Variants in TTPAL observed in about 807,000 individuals in gnomAD.
TTPAL encodes the protein alpha tocopherol transfer protein like.
A neutral mutation model predicts 28.7 loss-of-function variants in TTPAL; 21 were observed. The ratio of observed to expected loss-of-function variants is 0.73; its 90% CI spans 0.52 to 1.06. TTPAL has a LOEUF of 1.06. Among genes scored for constraint, TTPAL ranks in the 50% least tolerant of loss-of-function variants. TTPAL has a pLI of 0.00. For missense variants in TTPAL, 345 were observed against 425.5 expected, an observed-to-expected ratio of 0.81 and a Z score of 1.67; for synonymous variants, 169 against 171.9, an observed-to-expected ratio of 0.98 and a Z score of 0.13.
chr20:44,487,492 G>A (rs1030637509), intron 4 of TTPAL, among the ~76,000 whole-genome samples: 2 of 152,202 alleles, frequency 1.3e-5, no homozygotes, highest in Non-Finnish European at 2.9e-5. Flanking sequence ...CATTAGAACT[G>A]TGGGGTTTAA....
At position 44,494,510 on chromosome 20, in the gene TTPAL, T is replaced by G. The variant is rs533356559; in HGVS notation, c.*4969T>G. 58 of 152,736 alleles carry G rather than the reference T, an allele frequency of 3.8e-4. No individual in the cohort carries two copies. Among genetic ancestry groups the G allele is most frequent in the African/African-American group, 1.3e-3 (55 of 41,446 alleles). The allele number at this position is 152,736 out of a possible 1,614,324, so 9.5% of individuals were successfully genotyped here. ...GTTTGTTTTGACCAAAGTTTATTTT[T>G]CTAGTGCATTTTCTAAGTCAAAGTG... On this transcript the variant is annotated 3_prime_UTR_variant, in exon 5 of 5. Transcript: ENST00000262605.
At position 44,484,506 on chromosome 20, in the gene TTPAL, C is replaced by CA; in HGVS notation, c.620dup (p.Val208GlyfsTer21). The CA allele has an allele frequency of 6.3e-7, 1 of 1,578,196 alleles. No individual in the cohort carries two copies. Among genetic ancestry groups the CA allele is most frequent in the Non-Finnish European group, 8.7e-7 (1 of 1,151,870 alleles). On this transcript the variant is annotated frameshift_variant, in exon 3 of 5. Coordinates refer to ENST00000262605, the MANE Select transcript of TTPAL (RefSeq NM_001039199.3). LOFTEE classifies it high-confidence loss of function. ...CATCTCACTTTGGCCCTTTTATAGCCAAAAAGGTGATTGGCATCCTCCAGG... is the reference window on the plus strand; with the variant it reads ...CATCTCACTTTGGCCCTTTTATAGCCAAAAAAGGTGATTGGCATCCTCCAGG...
Position 44,491,598 on chromosome 20 carries a change from G to GT in TTPAL, c.*2058dup, listed in dbSNP as rs2064206767. On this transcript the variant is annotated 3_prime_UTR_variant, in exon 5 of 5. Coordinates refer to ENST00000262605, the MANE Select transcript of TTPAL (RefSeq NM_001039199.3). ...GAGAAAGTTCTTTTCACCATGGATA[G>GT]TAACCCTGGATCCTCTACGGTACTG... 6.6e-6 allele frequency: 1 copy of GT among 152,326 alleles called. No individual in the cohort carries two copies. Among genetic ancestry groups the GT allele is most frequent in the South Asian group, 2.1e-4 (1 of 4,832 alleles). The allele number at this position is 152,326 out of a possible 1,614,324, so 9.4% of individuals were successfully genotyped here.
chr20:44,490,988 A>T lies in TTPAL; in HGVS notation c.*1447A>T, dbSNP rs1220599271. ...CTACTCGGGAGGCTGAGGCAGAAGA[A>T]TCACGTGAACCCAGGAGGCAGAAGT... On this transcript the variant is annotated 3_prime_UTR_variant, in exon 5 of 5. Coordinates refer to ENST00000262605, the MANE Select transcript of TTPAL (RefSeq NM_001039199.3). 1 of 150,856 alleles carries T rather than the reference A, an allele frequency of 6.6e-6. No homozygotes were observed. The highest frequency in any genetic ancestry group is 2.4e-5 in the African/African-American group (1 of 40,914). 9.3% of individuals were successfully genotyped at this position (150,856 alleles called of 1,614,324 possible).
In TTPAL at chr20:44,489,766, T is replaced by C. The variant is rs545454088; in HGVS notation, c.*225T>C. On this transcript the variant is annotated 3_prime_UTR_variant, in exon 5 of 5. Coordinates refer to ENST00000262605, the MANE Select transcript of TTPAL (RefSeq NM_001039199.3). ...ATGTCCCCACTGATTCTTAAACATT[T>C]GGAATCCCAGTCTGCAACTATTAAT... 4.8e-5 allele frequency: 26 copies of C among 538,836 alleles called. 1 individual carries two copies. Among genetic ancestry groups the C allele is most frequent in the African/African-American group, 3.8e-4 (20 of 53,136 alleles). The allele number at this position is 538,836 out of a possible 1,614,324, so 33.4% of individuals were successfully genotyped here.
At position 44,491,842 on chromosome 20, in the gene TTPAL, G is replaced by A. The variant is rs1234081296; in HGVS notation, c.*2301G>A. ...AAACAAAACAAAAACTGGGTAAAGAGGAATGAATCACTCAGCCCTGATGTT... is the reference window on the plus strand; with the variant it reads ...AAACAAAACAAAAACTGGGTAAAGAAGAATGAATCACTCAGCCCTGATGTT... On this transcript the variant is annotated 3_prime_UTR_variant, in exon 5 of 5. Transcript: ENST00000262605. 1.3e-5 allele frequency: 2 copies of A among 152,542 alleles called. No individual in the cohort carries two copies. The highest frequency in any genetic ancestry group is 3.8e-4 in the East Asian group (2 of 5,318). 9.4% of individuals were successfully genotyped at this position (152,542 alleles called of 1,614,324 possible). A position where few individuals can be genotyped will look rare whatever the true frequency, so the allele number is the denominator to read the frequency against.
Position 44,480,979 on chromosome 20 carries a change from A to T in TTPAL, c.445+535A>T, listed in dbSNP as rs762720723. 6.6e-6 allele frequency among the ~76,000 whole-genome samples: 1 copy of T among 152,148 alleles called. No individual in the cohort carries two copies. Among genetic ancestry groups the T allele is most frequent in the Non-Finnish European group, 1.5e-5 (1 of 68,020 alleles). ...CCCCTGGCCATAGGATACAAGCATG[A>T]CTGCCAGGGCCCTCTCTGAGCCCTC... On this transcript the variant is annotated intron_variant, in intron 2 of 4. Transcript: ENST00000262605. This position sits in a 1 kb window ranked among gnomAD's most constrained non-coding sequence, Gnocchi z 4.1.
rs527795732 is a variant in TTPAL at position 44,490,566 on chromosome 20, C to T, written c.*1025C>T. On this transcript the variant is annotated 3_prime_UTR_variant, in exon 5 of 5. Coordinates refer to ENST00000262605, the MANE Select transcript of TTPAL (RefSeq NM_001039199.3). ...GTGTCTTTCCAAGAGAGATGTGTCA[C>T]CAATTAGCCCTGCCTTTAAAGAAAC... is the stretch of plus-strand genomic sequence containing the variant. 2.0e-5 allele frequency: 3 copies of T among 152,434 alleles called. No homozygotes were observed. In the East Asian group the frequency reaches 5.6e-4, roughly 29 times the overall value. 9.4% of individuals were successfully genotyped at this position (152,434 alleles called of 1,614,324 possible).
rs914621358 is a variant in TTPAL at position 44,486,670 on chromosome 20, C to T, written c.714C>T (p.Ile238=). ...EPRIFKGIFA[I]IKPFLKEKIA... is the part of the protein sequence containing the mutation. ...GAATATTTAAAGGCATTTTTGCCAT[C>T]ATAAAACCATTTCTAAAGGAGAAAA... The change falls in exon 4 of 5, where the codon ATC becomes ATT. Residue 238 remains isoleucine, a synonymous_variant. Coordinates refer to ENST00000262605, the MANE Select transcript of TTPAL (RefSeq NM_001039199.3). 2.5e-6 allele frequency: 4 copies of T among 1,612,248 alleles called. No homozygotes were observed. The highest frequency in any genetic ancestry group is 3.4e-6 in the Non-Finnish European group (4 of 1,178,740).
In TTPAL at chr20:44,489,738, A is replaced by AGTAATT; in HGVS notation, c.*197_*198insGTAATT. ...TTTAATTACTCCATGGAAGACATGG[A>AGTAATT]AAATGTCCCCACTGATTCTTAAACA... On this transcript the variant is annotated 3_prime_UTR_variant, in exon 5 of 5. Transcript: ENST00000262605. The AGTAATT allele has an allele frequency of 1.7e-6, 1 of 580,756 alleles. No homozygotes were observed. The highest frequency in any genetic ancestry group is 3.0e-6 in the Non-Finnish European group (1 of 333,594). The allele number at this position is 580,756 out of a possible 1,614,324, so 36.0% of individuals were successfully genotyped here.
intron 2 of TTPAL, 63 bp from the exon 3 acceptor site, chr20:44,484,274 C>A (rs2064131945): frequency 8.7e-7 from 1 of 1,149,422 alleles, no homozygotes; most frequent in East Asian, 2.5e-5. Context: ...GGAGATAAAT[C>A]TTTGTTTGAC....
chr20:44,489,301 A>C lies in TTPAL; in HGVS notation c.789A>C (p.Thr263=). 1 of 1,614,174 alleles carries C rather than the reference A, an allele frequency of 6.2e-7. No individual in the cohort carries two copies. Among genetic ancestry groups the C allele is most frequent in the South Asian group, 1.1e-5 (1 of 91,088 alleles). The change falls in exon 5 of 5, where the codon ACA becomes ACC. Residue 263 remains threonine (T), a synonymous_variant. Transcript: ENST00000262605. ...GGTCTGACTTGAACTCTCTCCACAC[A>C]AACCTTCCAAGAAGCATCCTCCCCA... ...LHGSDLNSLH[T]NLPRSILPKE... is the part of the protein sequence containing the mutation.
intron 4 of TTPAL, among the ~76,000 whole-genome samples, chr20:44,487,297 G>T (rs1490581492): frequency 1.3e-5 from 2 of 151,500 alleles, no homozygotes; most frequent in Non-Finnish European, 2.9e-5. Context: ...AAAAAATTAG[G>T]TGGGTGTGGT....
chr20:44,480,561 C>T lies in TTPAL; in HGVS notation c.445+117C>T. On this transcript the variant is annotated intron_variant, in intron 2 of 4. Transcript: ENST00000262605. This position sits in a 1 kb window ranked among gnomAD's most constrained non-coding sequence, Gnocchi z 4.1. Reference sequence around the variant, plus strand: ...TACCCCTCCTTTGTTATAGTCAAGGCTCTTTTGATTGCAGATAACACAAAC... The same window carrying T: ...TACCCCTCCTTTGTTATAGTCAAGGTTCTTTTGATTGCAGATAACACAAAC... 9.6e-7 allele frequency: 1 copy of T among 1,045,144 alleles called. No homozygotes were observed. Among genetic ancestry groups the T allele is most frequent in the Non-Finnish European group, 1.4e-6 (1 of 727,088 alleles). The allele number at this position is 1,045,144 out of a possible 1,614,324, so 64.7% of individuals were successfully genotyped here.
intron 4 of TTPAL, 28 bp from the exon 5 acceptor site, chr20:44,489,235 T>C (rs2064180499): frequency 5.0e-6 from 8 of 1,601,568 alleles, no homozygotes; most frequent in Non-Finnish European, 6.0e-6. Flanking sequence ...CCTAAGGACA[T>C]GTGTGTTTTC....
In TTPAL at chr20:44,480,156, T is replaced by C; in HGVS notation, c.157T>C (p.Trp53Arg). ...GGAAGAGCTGCAGGAAAAGCCGGAATGGAGACTTCGAGATGTGCAGGCCCT... is the reference window on the plus strand; with the variant it reads ...GGAAGAGCTGCAGGAAAAGCCGGAACGGAGACTTCGAGATGTGCAGGCCCT... ...AREELQEKPEWRLRDVQALRD... is the reference protein window; with the variant it reads ...AREELQEKPERRLRDVQALRD... Residue 53 changes from tryptophan (W) to arginine (R), a missense_variant, in exon 2 of 5, where the codon TGG (tryptophan) becomes CGG (arginine). By Grantham distance (101) the Trp-to-Arg change is moderately radical. Coordinates refer to ENST00000262605, the MANE Select transcript of TTPAL (RefSeq NM_001039199.3). The surrounding 1 kb of genome is among the most constrained non-coding windows in gnomAD (Gnocchi z 4.1). 1.9e-6 allele frequency: 3 copies of C among 1,614,184 alleles called. No individual in the cohort carries two copies. The highest frequency in any genetic ancestry group is 2.2e-5 in the East Asian group (1 of 44,892).
rs144379464 is a variant in TTPAL, at chr20:44,480,601, T to C, written c.445+157T>C. 6.6e-6 allele frequency among the ~76,000 whole-genome samples: 1 copy of C among 152,050 alleles called. No homozygotes were observed. The highest frequency in any genetic ancestry group is 1.9e-4 in the East Asian group (1 of 5,170). On this transcript the variant is annotated intron_variant, in intron 2 of 4. Transcript: ENST00000262605. This position sits in a 1 kb window ranked among gnomAD's most constrained non-coding sequence, Gnocchi z 4.1. ...ATAACACAAACCTACTCAAACCAAC[T>C]TCAGAAAAAAGGGAGGATTTAGTCG... is the stretch of plus-strand genomic sequence containing the variant.
chr20:44,486,033 G>C (rs1381873226), intron 3 of TTPAL: 1 of 152,262 alleles, frequency 6.6e-6, no homozygotes, highest in African/African-American at 2.4e-5. Flanking sequence ...TGTCCCTGTA[G>C]ACTCAGACTG....
intron 2 of TTPAL, among the ~76,000 whole-genome samples, chr20:44,483,978 C>CA (rs1176043439): frequency 6.6e-6 from 1 of 152,118 alleles, no homozygotes; most frequent in East Asian, 1.9e-4. Context: ...ATTTTGTAGA[C>CA]ATGGGGTTTC....
Sources: gnomAD v4.1 joint callset for allele counts (sites outside exome capture counted in the v4.1 genomes callset) on GRCh38, gnomAD v4.1.1 for gene constraint, Gnocchi (gnomAD v3.1) non-coding constraint, MANE v1.5 for transcripts, NCBI Gene and HGNC (gene_info 2026-07-23, HGNC 2026-07-21) for gene names.